The following GATA2 variants were observed in gnomAD, a reference collection of about 807,000 sequenced individuals.
GATA2 encodes the protein GATA binding protein 2, also known as endothelial transcription factor GATA-2.
In GATA2, 6 loss-of-function variants were observed where a neutral mutation model predicts 35.7. The ratio of observed to expected loss-of-function variants is 0.17; its 90% confidence interval spans 0.09 to 0.33. The LOEUF (loss-of-function observed/expected upper bound fraction) is 0.33. Among genes scored for constraint, GATA2 ranks in the 10% least tolerant of loss-of-function variants. The probability of loss-of-function intolerance (pLI) is 1.00; values close to 1 mark genes in which losing one functional copy is unlikely to be tolerated. For synonymous variants in GATA2, 313 were observed against 274.9 expected, an observed-to-expected ratio of 1.14 and a Z score of -1.37; for missense variants, 541 against 656.6, an observed-to-expected ratio of 0.82 and a Z score of 1.92.
intron 1 of GATA2, chr3:128,489,152 C>T (rs2068743692): frequency 6.6e-6 from 1 of 152,216 alleles, no homozygotes; most frequent in African/African-American, 2.4e-5. Flanking sequence ...CTTCTCCGGC[C>T]GGGCGGCCCC....
chr3:128,482,069 T>C (rs1225908745), intron 4 of GATA2, 125 bp from the exon 5 acceptor site: 3 of 1,185,646 alleles, frequency 2.5e-6, no homozygotes, highest in Non-Finnish European at 2.4e-6. Context: ...CACATGGGAA[T>C]CAAAGCATCT....
chr3:128,486,867 C>G lies in GATA2; in HGVS notation c.165G>C (p.Gln55His). 6.2e-7 allele frequency: 1 copy of G among 1,612,590 alleles called. No homozygotes were observed. Among genetic ancestry groups the G allele is most frequent in the Non-Finnish European group, 8.5e-7 (1 of 1,179,584 alleles). The part of the protein sequence containing the change: ...VDVFFNHLDS[Q>H]GNPYYANPAH... ...CGGGGTTGGCATAGTAGGGGTTGCC[C>G]TGCGAGTCGAGGTGATTGAAGAAGA... The change falls in exon 2 of 6, where the codon CAG becomes CAC. Residue 55 changes from glutamine (Q) to histidine (H), a missense_variant. This residue lies in a region of GATA2 where 389 missense variants were observed against 396.9 expected (regional missense o/e 0.98). Transcript: ENST00000341105.
intron 1 of GATA2, chr3:128,490,271 G>C (rs2068755289): frequency 6.6e-6 from 1 of 152,332 alleles, no homozygotes; most frequent in Admixed American, 6.5e-5. Flanking sequence ...GCCTGACGCA[G>C]AGCGGAGCGA....
intron 4 of GATA2, among the ~76,000 whole-genome samples, chr3:128,483,451 C>T (rs1194939499): frequency 1.3e-5 from 2 of 152,026 alleles, no homozygotes; most frequent in Non-Finnish European, 2.9e-5. Context: ...TTTTAGTGGC[C>T]GGTGTGAGTT....
chr3:128,487,131 T>G, intron 1 of GATA2, 55 bp from the exon 2 acceptor site: 3 of 1,001,724 alleles, frequency 3.0e-6, no homozygotes, highest in Non-Finnish European at 4.3e-6. Context: ...CCCCCCAAAG[T>G]CCCACCACGA....
At chr3:128,482,025 G>A (rs2068637558) in intron 4 of GATA2, 81 bp from the exon 5 acceptor site, 1 of 1,560,576 alleles carries the variant, frequency 6.4e-7, no homozygotes, top group South Asian at 1.1e-5. Context: ...TCCACCCCCA[G>A]TCCCCACCAG....
At chr3:128,490,674 G>C (rs763979709) in intron 1 of GATA2, 8 of 152,200 alleles carry the variant, frequency 5.3e-5, no homozygotes, top group Admixed American at 2.6e-4. Flanking sequence ...CAGGCAGACC[G>C]AGGGACACCA....
At chr3:128,481,702 G>A in intron 5 of GATA2, 117 bp downstream of exon 5, 9 of 1,287,448 alleles carry the variant, frequency 7.0e-6, no homozygotes, top group Non-Finnish European at 9.6e-6. Context: ...CTCACTCAGG[G>A]CAGCAGCTTC....
Position 128,480,900 on chromosome 3 carries a change from G to C in GATA2, c.*119C>G. 1 of 1,171,866 alleles carries C rather than the reference G, an allele frequency of 8.5e-7. No homozygotes were observed. 72.6% of individuals were successfully genotyped at this position (1,171,866 alleles called of 1,614,324 possible). A position where few individuals can be genotyped will look rare whatever the true frequency, so the allele number is the denominator to read the frequency against. The stretch of plus-strand genomic sequence containing the variant: ...AGGCTGCTGGGCGCCCTCCAGGAGA[G>C]GGGGTGCTGGGCCGAGCCGGGCTGG... On this transcript the variant is annotated 3_prime_UTR_variant, in exon 6 of 6. Transcript: ENST00000341105.
Position 128,491,215 on chromosome 3 carries a change from C to A in GATA2, c.-46+1684G>T, listed in dbSNP as rs1002760958. ...GGTCTCCCCGGCCGTCCAGCCCCCC[C>A]CCCCCTCTGAGCCCTTTGTTTAAAG... On this transcript the variant is annotated intron_variant, in intron 1 of 5. Coordinates refer to ENST00000341105, the MANE Select transcript of GATA2 (RefSeq NM_032638.5). Among the ~76,000 whole-genome samples the A allele has an allele frequency of 5.7e-5, 7 of 122,196 alleles. 1 individual carries two copies. The highest frequency in any genetic ancestry group is 2.4e-4 in the Admixed American group (3 of 12,514). The allele number at this position is 122,196 out of a possible 152,430, so 80.2% of individuals were successfully genotyped here. A position where few individuals can be genotyped will look rare whatever the true frequency, so the allele number is the denominator to read the frequency against.
intron 1 of GATA2, among the ~76,000 whole-genome samples, chr3:128,490,937 T>G (rs531087416): frequency 6.6e-6 from 1 of 152,218 alleles, no homozygotes; most frequent in African/African-American, 2.4e-5. Flanking sequence ...GGCGCTGCCT[T>G]TGATCACATT....
chr3:128,481,384 C>A (rs866650949), intron 5 of GATA2, 66 bp from the exon 6 acceptor site: 53 of 1,561,744 alleles, frequency 3.4e-5, no homozygotes, highest in Middle Eastern at 1.7e-4. Flanking sequence ...CCCACCCCGC[C>A]ACAGCGTGGA....
chr3:128,486,793 C>T lies in GATA2; in HGVS notation c.229+10G>A. On this transcript the variant is annotated intron_variant, in intron 2 of 5. Transcript: ENST00000341105. ...GCCTGGGTTCTCATCACCACGGGCC[C>T]AGTGCTCACCGTGCGCGGGGCTGTA... 1 of 1,592,276 alleles carries T rather than the reference C, an allele frequency of 6.3e-7. No homozygotes were observed. The highest frequency in any genetic ancestry group is 1.3e-5 in the African/African-American group (1 of 74,946).
Position 128,488,552 on chromosome 3 carries a change from T to A in GATA2, c.-45-1476A>T, listed in dbSNP as rs1289279411. The A allele has an allele frequency of 6.6e-6, 1 of 152,004 alleles. No individual in the cohort carries two copies. Among genetic ancestry groups the A allele is most frequent in the African/African-American group, 2.4e-5 (1 of 41,270 alleles). 9.4% of individuals were successfully genotyped at this position (152,004 alleles called of 1,614,324 possible). The stretch of plus-strand genomic sequence containing the variant: ...CAGTGGAGGTGGCCCGGCCGGTGGC[T>A]CCAGAAAGGGGGAGGGGGCACCCCT... On this transcript the variant is annotated intron_variant, in intron 1 of 5. Coordinates refer to ENST00000341105, the MANE Select transcript of GATA2 (RefSeq NM_032638.5). The surrounding 1 kb of genome is among the most constrained non-coding windows in gnomAD (Gnocchi z 5.8).
At position 128,480,925 on chromosome 3, in the gene GATA2, G is replaced by A. The variant is rs79350619; in HGVS notation, c.*94C>T. On this transcript the variant is annotated 3_prime_UTR_variant, in exon 6 of 6. Coordinates refer to ENST00000341105, the MANE Select transcript of GATA2 (RefSeq NM_032638.5). ...GGGGGTGCTGGGCCGAGCCGGGCTG[G>A]CAGGAGTGGTGTCGGCCTTCGGGAA... 1.3e-3 allele frequency: 1,787 copies of A among 1,368,846 alleles called. 76 individuals are homozygous for A. The East Asian group carries it at 0.044, about 34-fold the overall frequency. The allele number at this position is 1,368,846 out of a possible 1,614,324, so 84.8% of individuals were successfully genotyped here. A position where few individuals can be genotyped will look rare whatever the true frequency, so the allele number is the denominator to read the frequency against.
Position 128,481,974 on chromosome 3 carries a change from G to A in GATA2, c.1018-30C>T, listed in dbSNP as rs1190585222. ...GAGGGCAAGGCAGCGTCAGCAGGCT[G>A]GACTCCCACGCCCACCTCGACCCCC... On this transcript the variant is annotated intron_variant, in intron 4 of 5. Transcript: ENST00000341105. 2.5e-6 allele frequency: 4 copies of A among 1,610,422 alleles called. No homozygotes were observed. In the Middle Eastern group the frequency reaches 5.0e-4, roughly 199 times the overall value.
rs2068615975 is a variant in GATA2 at position 128,480,811 on chromosome 3, T to A, written c.*208A>T. On this transcript the variant is annotated 3_prime_UTR_variant, in exon 6 of 6. Coordinates refer to ENST00000341105, the MANE Select transcript of GATA2 (RefSeq NM_032638.5). ...AACTGTCCATGCAGGAAACCCCACC[T>A]GGGCAGCGGTCAGGTGCGGAGGCAG... The A allele has an allele frequency of 3.5e-6, 2 of 570,772 alleles. No homozygotes were observed. The highest frequency in any genetic ancestry group is 6.1e-6 in the Non-Finnish European group (2 of 329,308). 35.4% of individuals were successfully genotyped at this position (570,772 alleles called of 1,614,324 possible). A position where few individuals can be genotyped will look rare whatever the true frequency, so the allele number is the denominator to read the frequency against.
rs923673470 is a variant in GATA2, at chr3:128,483,238, C to A, written c.1017+622G>T. ...GGGTATTAGAAATTTCAAAACAGCC[C>A]AGCGAGAGGCAGGACTGAGCTGAGG... On this transcript the variant is annotated intron_variant, in intron 4 of 5. Transcript: ENST00000341105. Among the ~76,000 whole-genome samples the A allele has an allele frequency of 6.6e-6, 1 of 152,190 alleles. No individual in the cohort carries two copies. Among genetic ancestry groups the A allele is most frequent in the African/African-American group, 2.4e-5 (1 of 41,438 alleles).
At position 128,479,597 on chromosome 3, in the gene GATA2, G is replaced by A. The variant is rs866904284; in HGVS notation, c.*1422C>T. 4.3e-6 allele frequency: 1 copy of A among 233,456 alleles called. No homozygotes were observed. Among genetic ancestry groups the A allele is most frequent in the Admixed American group, 5.6e-5 (1 of 17,796 alleles). 14.5% of individuals were successfully genotyped at this position (233,456 alleles called of 1,614,324 possible). On this transcript the variant is annotated 3_prime_UTR_variant, in exon 6 of 6. Coordinates refer to ENST00000341105, the MANE Select transcript of GATA2 (RefSeq NM_032638.5). ...AAACATAAAAACAGAAAATACTGCC[G>A]ATTCTTTTTCTTATGCGGACACTAG...
Sources: allele counts gnomAD v4.1 joint callset (sites outside exome capture counted in the v4.1 genomes callset), GRCh38; gene constraint gnomAD v4.1.1; regional missense constraint gnomAD v4.1.1; non-coding constraint Gnocchi (gnomAD v3.1); transcripts MANE v1.5; gene names NCBI Gene and HGNC (gene_info 2026-07-23, HGNC 2026-07-21).